The following MITF variants were observed in gnomAD, a reference collection of about 807,000 sequenced individuals.
The protein encoded by MITF is microphthalmia-associated transcription factor.
In MITF, 17 loss-of-function variants were observed where a neutral mutation model predicts 60.5. The ratio of observed to expected loss-of-function variants is 0.28; its 90% CI spans 0.19 to 0.42. MITF has a LOEUF of 0.42. MITF is among the 10% of genes least tolerant of loss of function. The pLI is 1.00. For synonymous variants in MITF, 260 were observed against 248.5 expected, an observed-to-expected ratio of 1.05 and a Z score of -0.43; for missense variants, 622 against 683.5, an observed-to-expected ratio of 0.91 and a Z score of 1.00.
chr3:69,873,699 G>A (rs991622147), intron 1 of MITF, among the ~76,000 whole-genome samples: 7 of 152,176 alleles, frequency 4.6e-5, no homozygotes, highest in East Asian at 3.9e-4. Context: ...AATGGAATGC[G>A]AATTTTCTCA....
intron 7 of MITF, 133 bp from the exon 8 acceptor site, chr3:69,956,322 A>G (rs2066396358): frequency 1.4e-6 from 1 of 738,140 alleles, no homozygotes; most frequent in South Asian, 1.5e-5. Flanking sequence ...CATAGTAAAA[A>G]TAGGGAAAAA....
intron 1 of MITF, among the ~76,000 whole-genome samples, chr3:69,858,305 A>G (rs1306558822): frequency 1.3e-5 from 2 of 152,166 alleles, no homozygotes; most frequent in East Asian, 3.9e-4. Flanking sequence ...ACAGACAGGA[A>G]GGATTTTTGT....
chr3:69,860,545 C>CGGA (rs1466266659), intron 1 of MITF, among the ~76,000 whole-genome samples: 1 of 133,650 alleles, frequency 7.5e-6, no homozygotes, highest in Non-Finnish European at 1.5e-5. Context: ...TTGCAGTGAG[C>CGGA]GGAGATCGCG....
chr3:69,833,930 A>G (rs1026011806), intron 1 of MITF, among the ~76,000 whole-genome samples: 13 of 152,228 alleles, frequency 8.5e-5, no homozygotes, highest in Non-Finnish European at 1.6e-4. Context: ...TTCATGCACT[A>G]CTGTGCACCC....
intron 2 of MITF, among the ~76,000 whole-genome samples, chr3:69,902,360 G>A (rs1334555954): frequency 6.6e-6 from 1 of 151,986 alleles, no homozygotes; most frequent in Non-Finnish European, 1.5e-5. Flanking sequence ...TGAACTTCCT[G>A]AAAACATATC....
chr3:69,828,043 C>A (rs2063384791), intron 1 of MITF, among the ~76,000 whole-genome samples: 1 of 152,306 alleles, frequency 6.6e-6, no homozygotes, highest in East Asian at 1.9e-4. Flanking sequence ...TCAAGTATAT[C>A]TTTACCTTTC....
chr3:69,861,621 G>A (rs895681249), intron 1 of MITF, among the ~76,000 whole-genome samples: 1 of 152,144 alleles, frequency 6.6e-6, no homozygotes, highest in Non-Finnish European at 1.5e-5. Context: ...TCTTCCCATT[G>A]GCATGTGAGT....
intron 2 of MITF, among the ~76,000 whole-genome samples, chr3:69,888,537 T>C (rs1444815951): frequency 6.6e-6 from 1 of 151,748 alleles, no homozygotes; most frequent in Non-Finnish European, 1.5e-5. Context: ...AAATTGGGGA[T>C]CAAGCCGTAG....
Position 69,845,962 on chromosome 3 carries a change from G to T in MITF, c.105-33172G>T, listed in dbSNP as rs111636281. Among the ~76,000 whole-genome samples, 8 of 152,294 alleles carry T rather than the reference G, an allele frequency of 5.3e-5. 1 individual carries two copies. Among genetic ancestry groups the T allele is most frequent in the African/African-American group, 1.9e-4 (8 of 41,558 alleles). On this transcript the variant is annotated intron_variant, in intron 1 of 9. Transcript: ENST00000352241. ...CAAATGTTTATTGAGCACCTACTTT[G>T]TGGCAAGGACTGTTCTGGTGCTGGG...
rs1336577444 is a variant in MITF, at chr3:69,967,596, G to T, written c.*2348G>T. ...GGCATCTTGTACCACTGCCCTGACT[G>T]TCACAACTCCTAACCTTGCCATTGC... On this transcript the variant is annotated 3_prime_UTR_variant, in exon 10 of 10. Coordinates refer to ENST00000352241, the MANE Select transcript of MITF (RefSeq NM_001354604.2). 1.3e-5 allele frequency: 3 copies of T among 233,310 alleles called. No homozygotes were observed. Among genetic ancestry groups the T allele is most frequent in the Non-Finnish European group, 2.5e-5 (3 of 118,016 alleles). 14.5% of individuals were successfully genotyped at this position (233,310 alleles called of 1,614,324 possible).
intron 9 of MITF, among the ~76,000 whole-genome samples, chr3:69,961,276 G>T (rs530859710): frequency 6.6e-6 from 1 of 150,748 alleles, no homozygotes; most frequent in Non-Finnish European, 1.5e-5. Flanking sequence ...CCAGCTACTC[G>T]TGAGGCTGAG....
intron 1 of MITF, among the ~76,000 whole-genome samples, chr3:69,876,443 A>G (rs1000794135): frequency 6.7e-6 from 1 of 149,800 alleles, no homozygotes; most frequent in African/African-American, 2.5e-5. Flanking sequence ...CATGCCCCTC[A>G]TCACAGCTCT....
At chr3:69,933,784 T>C (rs2065773970) in intron 2 of MITF, among the ~76,000 whole-genome samples, 1 of 152,170 alleles carries the variant, frequency 6.6e-6, no homozygotes, top group Admixed American at 6.6e-5. Context: ...GCAAACATTA[T>C]CAGGAAATCA....
chr3:69,820,188 G>A (rs7634543), intron 1 of MITF, among the ~76,000 whole-genome samples: 51,331 of 152,030 alleles, frequency 0.34, 9,692 homozygotes, highest in Non-Finnish European at 0.43. Context: ...GGTAAATAAG[G>A]TAGTAAAATT....
chr3:69,858,257 G>A (rs935472142), intron 1 of MITF, among the ~76,000 whole-genome samples: 16 of 152,098 alleles, frequency 1.1e-4, no homozygotes, highest in Admixed American at 5.2e-4. Flanking sequence ...TGTGCATTGA[G>A]TTTATTATGA....
chr3:69,929,929 A>G (rs1246350572), intron 2 of MITF, among the ~76,000 whole-genome samples: 1 of 152,188 alleles, frequency 6.6e-6, no homozygotes, highest in Non-Finnish European at 1.5e-5. Flanking sequence ...AAAGGAGTCA[A>G]AGATAACCAT....
intron 1 of MITF, among the ~76,000 whole-genome samples, chr3:69,823,152 T>C (rs2063302821): frequency 6.6e-6 from 1 of 152,202 alleles, no homozygotes; most frequent in Non-Finnish European, 1.5e-5. Context: ...GTGCTGGGAT[T>C]ATGGACATGA....
chr3:69,777,945 C>T (rs771641838), intron 1 of MITF, among the ~76,000 whole-genome samples: 1 of 152,010 alleles, frequency 6.6e-6, no homozygotes, highest in Non-Finnish European at 1.5e-5. Context: ...ATTCGTGTTA[C>T]TGAAAGATCA....
chr3:69,845,438 C>CTTTTTTTTTTTTTTT lies in MITF; in HGVS notation c.105-33693_105-33692insTTTTTTTTTTTTTTT, dbSNP rs202135701. Reference sequence around the variant, plus strand: ...TCTTTTCTTTTCTTTTTTCTTTTTTCTTTCTTTTTTTTTTTTTTGCTATTT... The same window carrying CTTTTTTTTTTTTTTT: ...TCTTTTCTTTTCTTTTTTCTTTTTTCTTTTTTTTTTTTTTTTTTCTTTTTTTTTTTTTTGCTATTT... On this transcript the variant is annotated intron_variant, in intron 1 of 9. Transcript: ENST00000352241. Among the ~76,000 whole-genome samples, 376 of 133,550 alleles carry CTTTTTTTTTTTTTTT rather than the reference C, an allele frequency of 2.8e-3. 2 individuals carry two copies. The highest frequency in any genetic ancestry group is 4.7e-3 in the Non-Finnish European group (288 of 61,272). The allele number at this position is 133,550 out of a possible 152,430, so 87.6% of individuals were successfully genotyped here. A position where few individuals can be genotyped will look rare whatever the true frequency, so the allele number is the denominator to read the frequency against.
Sources: gnomAD v4.1 joint callset for allele counts (sites outside exome capture counted in the v4.1 genomes callset) on GRCh38, gnomAD v4.1.1 for gene constraint, MANE v1.5 for transcripts, NCBI Gene and HGNC (gene_info 2026-07-23, HGNC 2026-07-21) for gene names.